The following GLMN variants were observed in gnomAD, a reference collection of about 807,000 sequenced individuals.
GLMN encodes glomulin.
A neutral mutation model predicts 87.8 loss-of-function variants in GLMN; 75 were observed. The ratio of observed to expected loss-of-function variants is 0.85; its 90% confidence interval spans 0.71 to 1.04. GLMN has a LOEUF of 1.04. Among genes scored for constraint, GLMN ranks in the 50% least tolerant of loss-of-function variants. The probability of loss-of-function intolerance (pLI) is 0.00; values close to 1 mark genes in which losing one functional copy is unlikely to be tolerated. For synonymous variants in GLMN, 206 were observed against 221.6 expected, an observed-to-expected ratio of 0.93 and a Z score of 0.63; for missense variants, 588 against 658.8, an observed-to-expected ratio of 0.89 and a Z score of 1.18.
chr1:92,323,303 A>G, the GLMN span: 1 of 466,104 alleles, frequency 2.1e-6, no homozygotes. Flanking sequence ...GAACCTAGAA[A>G]TAAGGTTTTG....
the GLMN span, among the ~76,000 whole-genome samples, chr1:92,354,343 T>C: frequency 6.6e-6 from 1 of 152,204 alleles, no homozygotes; most frequent in Admixed American, 6.5e-5. Context: ...GGAGACACTA[T>C]TCTGAGAGAA....
Position 92,298,967 on chromosome 1 carries a change from G to C in GLMN, c.-73C>G. 7 of 506,540 alleles carry C rather than the reference G, an allele frequency of 1.4e-5. No individual in the cohort carries two copies. The South Asian group carries it at 2.0e-4, about 14-fold the overall frequency. The allele number at this position is 506,540 out of a possible 1,614,324, so 31.4% of individuals were successfully genotyped here. A position where few individuals can be genotyped will look rare whatever the true frequency, so the allele number is the denominator to read the frequency against. On this transcript the variant is annotated 5_prime_UTR_variant, in exon 1 of 19. Transcript: ENST00000370360. ...TCTCCCAGCCGCCGCCACCTCCTCC[G>C]GCGTCTTAGCCCGCTCTTCTGGCCC...
upstream of GLMN, chr1:92,301,643 TG>T (rs1196754801): frequency 4.2e-6 from 3 of 715,250 alleles, no homozygotes; most frequent in Non-Finnish European, 6.7e-6. Flanking sequence ...TCTTTAAATC[TG>T]TGCAGCATGA....
chr1:92,287,473 T>C (rs1173699232), intron 6 of GLMN, among the ~76,000 whole-genome samples: 3 of 147,418 alleles, frequency 2.0e-5, no homozygotes, highest in Non-Finnish European at 3.0e-5. Context: ...CCCAAGTAGC[T>C]GGGACTACAG....
intron 4 of GLMN, among the ~76,000 whole-genome samples, chr1:92,290,544 C>T (rs961736171): frequency 6.6e-6 from 1 of 152,188 alleles, no homozygotes; most frequent in African/African-American, 2.4e-5. Flanking sequence ...GCTCAGGTTT[C>T]CTTTGAGCTT....
At chr1:92,313,257 T>C in the GLMN span, among the ~76,000 whole-genome samples, 2 of 152,226 alleles carry the variant, frequency 1.3e-5, no homozygotes, top group African/African-American at 2.4e-5. Context: ...AATCACTCTA[T>C]GGCAACTATA....
Position 92,267,952 on chromosome 1 carries a change from G to T in GLMN, c.1059C>A (p.Tyr353Ter). 1 of 1,555,378 alleles carries T rather than the reference G, an allele frequency of 6.4e-7. No individual in the cohort carries two copies. The highest frequency in any genetic ancestry group is 8.9e-7 in the Non-Finnish European group (1 of 1,126,764). Residue 353 changes from tyrosine to a stop codon, truncating the protein, a stop_gained, in exon 11 of 19, where the codon TAC (tyrosine) becomes TAA (stop). Transcript: ENST00000370360. LOFTEE classifies it high-confidence loss of function. The part of the protein sequence containing the change: ...LLRIEDNSLL[Y>*]QYLEIKSFLT... ...GAAAACTCTTGATTTCTAAGTACTG[G>T]TAAAGTAGACTATTGTCTTCTATTC...
At chr1:92,283,501 C>T (rs1446427735) in intron 7 of GLMN, among the ~76,000 whole-genome samples, 4 of 152,258 alleles carry the variant, frequency 2.6e-5, no homozygotes, top group Non-Finnish European at 4.4e-5. Context: ...GACAAACCCA[C>T]AGCCAATATC....
At chr1:92,272,317 A>G (rs950303307) in intron 7 of GLMN, among the ~76,000 whole-genome samples, 3 of 152,238 alleles carry the variant, frequency 2.0e-5, no homozygotes, top group Admixed American at 2.0e-4. Context: ...GAGATAACAA[A>G]GGTATGCTGT....
At chr1:92,286,199 G>GT (rs1323098157) in intron 7 of GLMN, among the ~76,000 whole-genome samples, 2 of 150,916 alleles carry the variant, frequency 1.3e-5, no homozygotes, top group Non-Finnish European at 3.0e-5. Flanking sequence ...ATAATATACT[G>GT]TTGAAGAGGA....
intron 7 of GLMN, among the ~76,000 whole-genome samples, chr1:92,278,609 C>A (rs1034604835): frequency 3.9e-5 from 6 of 152,108 alleles, no homozygotes; most frequent in Non-Finnish European, 8.8e-5. Flanking sequence ...TTCATCTATA[C>A]CCATTGTACC....
chr1:92,364,253 G>A, the GLMN span, among the ~76,000 whole-genome samples: 3 of 152,136 alleles, frequency 2.0e-5, no homozygotes, highest in Non-Finnish European at 2.9e-5. Context: ...TATAGGTATG[G>A]AGAAAGCAGA....
chr1:92,358,203 C>T, the GLMN span, among the ~76,000 whole-genome samples: 1 of 152,134 alleles, frequency 6.6e-6, no homozygotes, highest in Non-Finnish European at 1.5e-5. Context: ...GCCTACATAC[C>T]CCTGTGGTCT....
chr1:92,255,622 A>C (rs545713976), intron 16 of GLMN, among the ~76,000 whole-genome samples: 1 of 152,180 alleles, frequency 6.6e-6, no homozygotes, highest in Non-Finnish European at 1.5e-5. Context: ...TCAAAACCAC[A>C]GAACTACATG....
chr1:92,334,888 T>C, the GLMN span, among the ~76,000 whole-genome samples: 15 of 152,086 alleles, frequency 9.9e-5, no homozygotes, highest in African/African-American at 3.6e-4. Flanking sequence ...CTCAGGAGGC[T>C]GAGGCAGGAG....
intron 3 of GLMN, among the ~76,000 whole-genome samples, chr1:92,295,971 A>G (rs1394413887): frequency 2.0e-5 from 3 of 152,224 alleles, no homozygotes; most frequent in Non-Finnish European, 4.4e-5. Context: ...AGTTTAAAAA[A>G]CATAAGATTT....
upstream of GLMN, chr1:92,301,657 C>G (rs1650867066): frequency 1.7e-6 from 1 of 596,904 alleles, no homozygotes; most frequent in African/African-American, 1.9e-5. Context: ...CAGCATGAAA[C>G]TTCTTTGCAT....
intron 16 of GLMN, among the ~76,000 whole-genome samples, chr1:92,257,319 C>T (rs1033334362): frequency 2.0e-4 from 30 of 151,996 alleles, no homozygotes; most frequent in East Asian, 9.6e-4. Flanking sequence ...ATGGCCATAC[C>T]GCCCAAAGTA....
At chr1:92,339,497 C>T in the GLMN span, among the ~76,000 whole-genome samples, 43 of 152,040 alleles carry the variant, frequency 2.8e-4, 1 homozygote, top group Non-Finnish European at 1.5e-5. Flanking sequence ...GGACAAATAC[C>T]TCACTGACCT....
Sources: gnomAD v4.1 joint callset for allele counts (sites outside exome capture counted in the v4.1 genomes callset) on GRCh38, gnomAD v4.1.1 for gene constraint, MANE v1.5 for transcripts, NCBI Gene and HGNC (gene_info 2026-07-23, HGNC 2026-07-21) for gene names.